The following GPR35 variants were observed in gnomAD, a reference collection of about 807,000 sequenced individuals.
GPR35 encodes G protein-coupled receptor 35.
For synonymous variants in GPR35, 207 were observed against 198.4 expected (o/e 1.04, Z -0.36); for missense variants, 372 against 422.5 (o/e 0.88, Z 1.05).
chr2:240,626,995 G>A (rs1188884515), intron 1 of GPR35, among the ~76,000 whole-genome samples: 1 of 152,192 alleles, frequency 6.6e-6, no homozygotes, highest in African/African-American at 2.4e-5. Context: ...GGGTGACCTT[G>A]TCATCAGAAG....
At chr2:240,623,149 G>A (rs767208441), upstream of GPR35, among the ~76,000 whole-genome samples, 11 of 152,298 alleles carry the variant, frequency 7.2e-5, no homozygotes, top group East Asian at 3.9e-4. Context: ...GTGAGCGGTC[G>A]TCGAGCTTCA....
chr2:240,613,666 C>T (rs2043208371), intron 2 of GPR35, among the ~76,000 whole-genome samples: 1 of 152,060 alleles, frequency 6.6e-6, no homozygotes, highest in Non-Finnish European at 1.5e-5. Flanking sequence ...CAATTCAAAC[C>T]TTAACCCTAA....
chr2:240,610,215 C>G (rs1017913631), intron 2 of GPR35, among the ~76,000 whole-genome samples: 1 of 152,206 alleles, frequency 6.6e-6, no homozygotes, highest in Non-Finnish European at 1.5e-5. Flanking sequence ...ACCTCAGCCT[C>G]CCAAAGTGCT....
Position 240,630,675 on chromosome 2 carries a change from C to T in GPR35, c.723C>T (p.Leu241=), listed in dbSNP as rs12468453. The part of the protein sequence containing the change: ...LPLHVGLTVR[L]AVGWNACALL... ...TGCACGTGGGGCTGACAGTGCGCCT[C>T]GCAGTGGGCTGGAACGCCTGTGCCC... Residue 241 remains leucine (L), a synonymous_variant, in exon 2 of 2, where the codon CTC becomes CTT. Coordinates refer to ENST00000407714, the MANE Select transcript of GPR35 (RefSeq NM_005301.5). 115,229 of 1,613,224 alleles carry T rather than the reference C, an allele frequency of 0.071. 4,807 individuals carry two copies. The highest frequency in any genetic ancestry group is 0.099 in the South Asian group (9,054 of 91,086).
chr2:240,618,682 T>C (rs562970939), intron 4 of GPR35, among the ~76,000 whole-genome samples: 2 of 152,362 alleles, frequency 1.3e-5, no homozygotes, highest in South Asian at 2.1e-4. Flanking sequence ...CCATCCCATT[T>C]CCACCTGTTT....
intron 2 of GPR35, among the ~76,000 whole-genome samples, chr2:240,611,293 TG>T (rs1313221243): frequency 1.3e-5 from 2 of 152,152 alleles, no homozygotes; most frequent in Non-Finnish European, 2.9e-5. Flanking sequence ...TTAACTGGAT[TG>T]TTTACCTCAG....
At chr2:240,607,115 G>A (rs898995836) in intron 2 of GPR35, 1 of 152,026 alleles carries the variant, frequency 6.6e-6, no homozygotes, top group Non-Finnish European at 1.5e-5. Flanking sequence ...ATGACTATGA[G>A]GAGGACTGAC....
intron 2 of GPR35, among the ~76,000 whole-genome samples, chr2:240,613,550 T>A (rs2043206794): frequency 6.6e-6 from 1 of 151,806 alleles, no homozygotes; most frequent in Non-Finnish European, 1.5e-5. Context: ...TAACCATAAA[T>A]CATGTGGACT....
At chr2:240,626,410 G>C (rs368205503) in intron 1 of GPR35, among the ~76,000 whole-genome samples, 37 of 142,256 alleles carry the variant, frequency 2.6e-4, no homozygotes, top group South Asian at 9.4e-4. Flanking sequence ...GGGTGAGGCT[G>C]TGATGGGGTC....
intron 1 of GPR35, chr2:240,629,681 G>C (rs556367153): frequency 3.0e-5 from 12 of 398,754 alleles, no homozygotes; most frequent in African/African-American, 2.4e-4. Context: ...AGCTCCTTCT[G>C]CCTCCTTTCC....
rs1395959664 is a variant in GPR35 at position 240,631,110 on chromosome 2, G to A, written c.*228G>A. The stretch of plus-strand genomic sequence containing the variant: ...TGAGGCCAGAGCAAGGCCAATGTCA[G>A]AGACCCCCGGGATGGGGCCTCACAC... On this transcript the variant is annotated 3_prime_UTR_variant, in exon 2 of 2. Coordinates refer to ENST00000407714, the MANE Select transcript of GPR35 (RefSeq NM_005301.5). 2 of 579,982 alleles carry A rather than the reference G, an allele frequency of 3.4e-6. No homozygotes were observed. Among genetic ancestry groups the A allele is most frequent in the Admixed American group, 6.2e-5 (2 of 32,370 alleles). The allele number at this position is 579,982 out of a possible 1,614,324, so 35.9% of individuals were successfully genotyped here. A position where few individuals can be genotyped will look rare whatever the true frequency, so the allele number is the denominator to read the frequency against.
upstream of GPR35, among the ~76,000 whole-genome samples, chr2:240,623,715 C>T (rs561361018): frequency 2.6e-5 from 4 of 152,170 alleles, no homozygotes; most frequent in South Asian, 8.3e-4. Flanking sequence ...AGGGGGTGGG[C>T]TGGGGACAGC....
At chr2:240,614,988 A>G (rs1233070561) in intron 2 of GPR35, among the ~76,000 whole-genome samples, 1 of 151,830 alleles carries the variant, frequency 6.6e-6, no homozygotes, top group Non-Finnish European at 1.5e-5. Flanking sequence ...ATGTGTGTTT[A>G]TATGCGAGTG....
At chr2:240,621,189 G>A (rs1327395785), upstream of GPR35, among the ~76,000 whole-genome samples, 2 of 152,256 alleles carry the variant, frequency 1.3e-5, no homozygotes, top group South Asian at 2.1e-4. Context: ...GGGGCACAGC[G>A]CTTGAAGGGA....
Position 240,630,868 on chromosome 2 carries a change from G to A in GPR35, c.916G>A (p.Val306Met), listed in dbSNP as rs760148943. 37 of 1,612,054 alleles carry A rather than the reference G, an allele frequency of 2.3e-5. No homozygotes were observed. Among genetic ancestry groups the A allele is most frequent in the Admixed American group, 8.3e-5 (5 of 60,010 alleles). The stretch of plus-strand genomic sequence containing the variant: ...CCACAAAAGCCAGGACTCTCTGTGC[G>A]TGACCCTCGCCTAAGAGGCGTGCTG... Reference protein sequence around the residue: ...KAHKSQDSLCVTLA With the variant: ...KAHKSQDSLCMTLA Residue 306 changes from valine to methionine, a missense_variant, in exon 2 of 2, where the codon GTG (valine) becomes ATG (methionine). Coordinates refer to ENST00000407714, the MANE Select transcript of GPR35 (RefSeq NM_005301.5).
At chr2:240,625,233 C>G, upstream of GPR35, 1 of 983,536 alleles carries the variant, frequency 1.0e-6, no homozygotes, top group South Asian at 4.7e-5. Context: ...GTCTGTCTCT[C>G]ACGCTGTTTC....
At chr2:240,625,709 G>GGGTCTCAGAGCAGGGTGAGGCTATGAT (rs2043362302) in intron 1 of GPR35, 141 bp downstream of exon 1, 1 of 272,378 alleles carries the variant, frequency 3.7e-6, no homozygotes, top group Non-Finnish European at 5.9e-6. Flanking sequence ...GGCTGTGACG[G>GGGTCTCAGAGCAGGGTGAGGCTATGAT]GGGTTCTCAG....
At chr2:240,617,829 A>T (rs1243284295) in intron 4 of GPR35, 1 of 155,870 alleles carries the variant, frequency 6.4e-6, no homozygotes, top group East Asian at 1.9e-4. Flanking sequence ...TTAACTCCTG[A>T]GCCCCTTTGG....
intron 2 of GPR35, among the ~76,000 whole-genome samples, chr2:240,613,822 A>C (rs1419295471): frequency 2.0e-5 from 3 of 150,200 alleles, no homozygotes; most frequent in Non-Finnish European, 1.5e-5. Flanking sequence ...TAACCATAAC[A>C]CTAACTCCAA....
Sources: gnomAD v4.1 joint callset for allele counts (sites outside exome capture counted in the v4.1 genomes callset) on GRCh38, gnomAD v4.1.1 for gene constraint, MANE v1.5 for transcripts, NCBI Gene and HGNC (gene_info 2026-07-23, HGNC 2026-07-21) for gene names.